Variants in LHFPL6 observed in about 807,000 individuals in gnomAD.
LHFPL6 encodes LHFPL tetraspan subfamily member 6, also known as LHFPL tetraspan subfamily member 6 protein.
In LHFPL6, 9 loss-of-function variants were observed where a neutral mutation model predicts 20.6. The ratio of observed to expected loss-of-function variants is 0.44; its 90% confidence interval spans 0.26 to 0.76. LHFPL6 has a LOEUF of 0.76. Ranked by LOEUF, LHFPL6 falls within the 30% of genes least tolerant of loss-of-function variation. The probability of loss-of-function intolerance (pLI) is 0.20; values close to 1 mark genes in which losing one functional copy is unlikely to be tolerated. For missense variants in LHFPL6, 218 were observed against 253.5 expected, an observed-to-expected ratio of 0.86 and a Z score of 0.95; for synonymous variants, 105 against 98.7, an observed-to-expected ratio of 1.06 and a Z score of -0.38.
At chr13:39,499,387 C>A (rs1457421283) in intron 2 of LHFPL6, among the ~76,000 whole-genome samples, 1 of 152,200 alleles carries the variant, frequency 6.6e-6, no homozygotes, top group Non-Finnish European at 1.5e-5. Context: ...ATGGCAGCAG[C>A]CTCCTTGCTG....
At chr13:39,563,825 A>T (rs1566142658) in intron 2 of LHFPL6, among the ~76,000 whole-genome samples, 1 of 152,158 alleles carries the variant, frequency 6.6e-6, no homozygotes, top group Non-Finnish European at 1.5e-5. Flanking sequence ...AACTCAGGGG[A>T]CTGAAAACAA....
intron 2 of LHFPL6, among the ~76,000 whole-genome samples, chr13:39,562,737 G>A (rs977829897): frequency 4.7e-5 from 7 of 149,278 alleles, no homozygotes; most frequent in Non-Finnish European, 7.4e-5. Context: ...ATAGAATAAA[G>A]AGAAAAACAT....
intron 2 of LHFPL6, among the ~76,000 whole-genome samples, chr13:39,465,498 A>C (rs190774741): frequency 0.013 from 1,974 of 152,268 alleles, 39 homozygotes; most frequent in African/African-American, 0.046. Flanking sequence ...TTTTAGGTTT[A>C]AAAATTAGAC....
chr13:39,463,737 A>G (rs1429477830), intron 2 of LHFPL6, among the ~76,000 whole-genome samples: 2 of 152,154 alleles, frequency 1.3e-5, no homozygotes, highest in South Asian at 2.1e-4. Flanking sequence ...TTCATTCTTT[A>G]TAGTGGGGAA....
At chr13:39,571,853 C>G (rs994485729) in intron 2 of LHFPL6, among the ~76,000 whole-genome samples, 1 of 152,218 alleles carries the variant, frequency 6.6e-6, no homozygotes, top group African/African-American at 2.4e-5. Context: ...GGTCTGGCCA[C>G]GGGCCCTGCA....
chr13:39,502,160 C>T (rs1411753445), intron 2 of LHFPL6, among the ~76,000 whole-genome samples: 1 of 152,188 alleles, frequency 6.6e-6, no homozygotes, highest in Non-Finnish European at 1.5e-5. Flanking sequence ...GCACAAACAC[C>T]TCAAAATGGC....
chr13:39,525,873 T>TTTTC (rs1870270333), intron 2 of LHFPL6, among the ~76,000 whole-genome samples: 1 of 151,724 alleles, frequency 6.6e-6, no homozygotes, highest in South Asian at 2.1e-4. Flanking sequence ...TTCCTTTTTT[T>TTTTC]TTTCTTTTTT....
At chr13:39,566,654 G>T (rs1402042614) in intron 2 of LHFPL6, among the ~76,000 whole-genome samples, 1 of 143,590 alleles carries the variant, frequency 7.0e-6, no homozygotes, top group Admixed American at 7.3e-5. Flanking sequence ...GATCACCTGA[G>T]CCCAGGAAGT....
At chr13:39,493,075 C>T (rs542164040) in intron 2 of LHFPL6, among the ~76,000 whole-genome samples, 244 of 152,138 alleles carry the variant, frequency 1.6e-3, no homozygotes, top group South Asian at 1.7e-3. Context: ...GTTGGTCATT[C>T]AGGTTCATGC....
intron 2 of LHFPL6, among the ~76,000 whole-genome samples, chr13:39,519,205 C>T (rs945802382): frequency 2.0e-5 from 3 of 151,424 alleles, no homozygotes; most frequent in African/African-American, 7.3e-5. Flanking sequence ...CACTGCACTC[C>T]AGCCTGGGTG....
intron 2 of LHFPL6, among the ~76,000 whole-genome samples, chr13:39,479,034 T>TAGATATAG (rs1555264216): frequency 2.1e-5 from 3 of 143,988 alleles, no homozygotes; most frequent in Non-Finnish European, 3.0e-5. Context: ...GGGAGATAGA[T>TAGATATAG]ATAGATAGAT....
At chr13:39,352,972 C>CACACATAT in intron 3 of LHFPL6, among the ~76,000 whole-genome samples, 1 of 69,138 alleles carries the variant, frequency 1.4e-5, no homozygotes, top group South Asian at 6.4e-4. Context: ...CACACACACA[C>CACACATAT]ATATATATAT....
chr13:39,378,428 C>T lies in LHFPL6; in HGVS notation c.484G>A (p.Gly162Arg). Residue 162 changes from glycine (G) to arginine (R), a missense_variant and splice_region_variant, in exon 3 of 4, where the codon GGG becomes AGG. Gly to Arg is a moderately radical substitution (Grantham distance 125, BLOSUM62 -2). Coordinates refer to ENST00000379589, the MANE Select transcript of LHFPL6 (RefSeq NM_005780.3). ...AGTGCCATCCATGAAGAAAGCTTAC[C>T]CAGGTCAAACTGGCCAGAAGTGTAG... ...CGYTSGQFDLGKCEIGWAYYC... is the reference protein window; with the variant it reads ...CGYTSGQFDLRKCEIGWAYYC... 8.7e-6 allele frequency: 14 copies of T among 1,613,150 alleles called. No individual in the cohort carries two copies. Among genetic ancestry groups the T allele is most frequent in the Non-Finnish European group, 1.2e-5 (14 of 1,179,346 alleles).
chr13:39,396,500 T>A (rs1265974136), intron 2 of LHFPL6, among the ~76,000 whole-genome samples: 2 of 152,070 alleles, frequency 1.3e-5, no homozygotes, highest in African/African-American at 4.8e-5. Flanking sequence ...GGTGTCCTTA[T>A]AAGAAGACAG....
At chr13:39,423,944 T>C (rs143438354) in intron 2 of LHFPL6, among the ~76,000 whole-genome samples, 140 of 152,158 alleles carry the variant, frequency 9.2e-4, no homozygotes, top group African/African-American at 2.7e-3. Flanking sequence ...GTAAAACCAA[T>C]TGAGAAACTG....
chr13:39,481,936 G>A (rs1330614168), intron 2 of LHFPL6, among the ~76,000 whole-genome samples: 2 of 152,176 alleles, frequency 1.3e-5, no homozygotes, highest in East Asian at 3.9e-4. Flanking sequence ...CTGCTCTGAT[G>A]ACTGCTAAGA....
intron 2 of LHFPL6, among the ~76,000 whole-genome samples, chr13:39,538,094 G>A (rs1487600814): frequency 6.6e-6 from 1 of 150,576 alleles, no homozygotes; most frequent in Non-Finnish European, 1.5e-5. Flanking sequence ...AGGTTCAAGC[G>A]ATTCTCCTGC....
At chr13:39,491,740 T>C (rs1357736634) in intron 2 of LHFPL6, among the ~76,000 whole-genome samples, 1 of 152,200 alleles carries the variant, frequency 6.6e-6, no homozygotes, top group Admixed American at 6.5e-5. Context: ...ACCAGCCACA[T>C]GCAGCTACTA....
At chr13:39,351,536 A>T (rs1869568325) in intron 3 of LHFPL6, among the ~76,000 whole-genome samples, 1 of 151,954 alleles carries the variant, frequency 6.6e-6, no homozygotes, top group Admixed American at 6.6e-5. Context: ...CGAGAAAAAA[A>T]TAAAACATAT....
Sources: allele counts gnomAD v4.1 joint callset (sites outside exome capture counted in the v4.1 genomes callset), GRCh38; gene constraint gnomAD v4.1.1; transcripts MANE v1.5; gene names NCBI Gene and HGNC (gene_info 2026-07-23, HGNC 2026-07-21).